The following TRDN variants were observed in gnomAD, a reference collection of about 807,000 sequenced individuals.
TRDN encodes triadin, also known as triadin in skeletal muscle.
A neutral mutation model predicts 149.7 loss-of-function variants in TRDN; 161 were observed. That is an observed-to-expected ratio of 1.08 (90% CI 0.95 to 1.23). TRDN has a LOEUF of 1.23. Ranked by LOEUF, TRDN falls within the 50% of genes most tolerant of loss-of-function variation. The pLI is 0.00. For missense variants in TRDN, 896 were observed against 823.5 expected (o/e 1.09, Z -1.08); for synonymous variants, 294 against 250.5 (o/e 1.17, Z -1.64).
chr6:123,529,117 G>A (rs775219019), intron 5 of TRDN: 14 of 1,491,120 alleles, frequency 9.4e-6, no homozygotes, highest in Non-Finnish European at 1.1e-5. Flanking sequence ...CATTACTACC[G>A]CCACTCCAGC....
intron 38 of TRDN, among the ~76,000 whole-genome samples, chr6:123,246,123 C>T (rs754135083): frequency 9.9e-5 from 15 of 151,980 alleles, no homozygotes; most frequent in Non-Finnish European, 1.5e-4. Context: ...TAAATGCCCA[C>T]ATGAGAAAGC....
chr6:123,568,431 A>C (rs1409785726), intron 2 of TRDN, among the ~76,000 whole-genome samples: 2 of 152,230 alleles, frequency 1.3e-5, no homozygotes, highest in Non-Finnish European at 2.9e-5. Context: ...TGGGTCCTCC[A>C]AACACACATT....
intron 9 of TRDN, among the ~76,000 whole-genome samples, chr6:123,477,651 G>A (rs1777553844): frequency 6.6e-6 from 1 of 151,930 alleles, no homozygotes; most frequent in Non-Finnish European, 1.5e-5. Flanking sequence ...CAAAGACTTG[G>A]AACCAACCCA....
chr6:123,387,060 A>G (rs1781931806), intron 14 of TRDN, among the ~76,000 whole-genome samples: 2 of 152,214 alleles, frequency 1.3e-5, no homozygotes, highest in South Asian at 4.1e-4. Context: ...TGTACTCTAC[A>G]GAGTCATTGT....
At chr6:123,502,949 G>A (rs879174898) in intron 8 of TRDN, 88 of 985,140 alleles carry the variant, frequency 8.9e-5, no homozygotes, top group Admixed American at 1.2e-4. Context: ...GATGTGGTAC[G>A]ATAAGACCCT....
chr6:123,408,390 G>T (rs773566471), intron 12 of TRDN, among the ~76,000 whole-genome samples: 1 of 151,860 alleles, frequency 6.6e-6, no homozygotes, highest in Non-Finnish European at 1.5e-5. Context: ...GACAATAATT[G>T]TTTTGGGCCA....
chr6:123,367,698 A>G (rs1317403900), intron 19 of TRDN, among the ~76,000 whole-genome samples: 3 of 152,216 alleles, frequency 2.0e-5, no homozygotes, highest in Non-Finnish European at 2.9e-5. Context: ...CTGGAGGGCT[A>G]TTGAAACAGA....
intron 24 of TRDN, among the ~76,000 whole-genome samples, chr6:123,282,544 A>C (rs1266627950): frequency 6.6e-6 from 1 of 151,910 alleles, no homozygotes; most frequent in Non-Finnish European, 1.5e-5. Context: ...CTACATCTAC[A>C]ATGTGAGATA....
intron 1 of TRDN, among the ~76,000 whole-genome samples, chr6:123,635,961 A>C (rs562585072): frequency 1.4e-4 from 21 of 152,088 alleles, no homozygotes; most frequent in African/African-American, 5.1e-4. Context: ...CAAATAGAAG[A>C]TATGTATTAT....
At chr6:123,375,023 A>G (rs1781457211) in intron 19 of TRDN, among the ~76,000 whole-genome samples, 1 of 152,190 alleles carries the variant, frequency 6.6e-6, no homozygotes, top group Non-Finnish European at 1.5e-5. Flanking sequence ...AATAACAGTC[A>G]GTTACTTCAT....
At position 123,218,419 on chromosome 6, in the gene TRDN, C is replaced by A. The variant is rs1775021170; in HGVS notation, c.*182G>T. The A allele has an allele frequency of 3.2e-6, 2 of 624,696 alleles. No individual in the cohort carries two copies. Among genetic ancestry groups the A allele is most frequent in the Non-Finnish European group, 5.4e-6 (2 of 371,762 alleles). The allele number at this position is 624,696 out of a possible 1,614,324, so 38.7% of individuals were successfully genotyped here. A position where few individuals can be genotyped will look rare whatever the true frequency, so the allele number is the denominator to read the frequency against. On this transcript the variant is annotated 3_prime_UTR_variant, in exon 41 of 41. Transcript: ENST00000334268. Reference sequence around the variant, plus strand: ...ATAACAGATTCTTGAGACTTAGACCCTTAAACATGTCTGCTCATCACTCAA... The same window carrying A: ...ATAACAGATTCTTGAGACTTAGACCATTAAACATGTCTGCTCATCACTCAA...
intron 24 of TRDN, among the ~76,000 whole-genome samples, chr6:123,288,820 C>T (rs57264037): frequency 0.02 from 2,970 of 151,822 alleles, 85 homozygotes; most frequent in South Asian, 0.076. Context: ...AGCATGAAGG[C>T]TCCTCAAAAA....
chr6:123,266,087 T>C (rs1488336968), intron 32 of TRDN, among the ~76,000 whole-genome samples: 1 of 130,418 alleles, frequency 7.7e-6, no homozygotes, highest in Non-Finnish European at 1.6e-5. Context: ...TGTTTATATA[T>C]ATTATATATA....
chr6:123,454,088 C>G (rs1282173326), intron 10 of TRDN, among the ~76,000 whole-genome samples: 2 of 151,610 alleles, frequency 1.3e-5, no homozygotes, highest in Non-Finnish European at 2.9e-5. Flanking sequence ...TATAAGGACA[C>G]AAAGACATAA....
chr6:123,454,857 C>T (rs528237670), intron 10 of TRDN, among the ~76,000 whole-genome samples: 14 of 152,310 alleles, frequency 9.2e-5, no homozygotes, highest in African/African-American at 3.4e-4. Flanking sequence ...TCCTCTCACC[C>T]CTGTCCCCGG....
At chr6:123,307,570 TCCACCA>T (rs1778659998) in intron 24 of TRDN, among the ~76,000 whole-genome samples, 1 of 151,994 alleles carries the variant, frequency 6.6e-6, no homozygotes, top group African/African-American at 2.4e-5. Flanking sequence ...AATTTCTGTT[TCCACCA>T]CTCTACTGAA....
chr6:123,291,154 C>CA lies in TRDN; in HGVS notation c.1511-12073dup, dbSNP rs1042629365. Among the ~76,000 whole-genome samples, 6 of 150,580 alleles carry CA rather than the reference C, an allele frequency of 4.0e-5. No individual in the cohort carries two copies. The East Asian group carries it at 5.8e-4, about 15-fold the overall frequency. On this transcript the variant is annotated intron_variant, in intron 24 of 40. Transcript: ENST00000334268. Reference sequence around the variant, plus strand: ...TCTGGGTGGTGGAGTGAGACTCTGTCAAAAAAAATGTATTTTCTTTTCCAA... The same window carrying CA: ...TCTGGGTGGTGGAGTGAGACTCTGTCAAAAAAAAATGTATTTTCTTTTCCAA...
chr6:123,286,485 A>G (rs1772330516), intron 24 of TRDN, among the ~76,000 whole-genome samples: 1 of 152,036 alleles, frequency 6.6e-6, no homozygotes, highest in African/African-American at 2.4e-5. Flanking sequence ...ATGAGGATGC[A>G]ATGGCATAAG....
chr6:123,620,239 T>C (rs976638018), intron 1 of TRDN, among the ~76,000 whole-genome samples: 6 of 152,166 alleles, frequency 3.9e-5, no homozygotes, highest in African/African-American at 1.4e-4. Context: ...GTCAGAATGA[T>C]CTAAAAGGTT....
Sources: gnomAD v4.1 joint callset for allele counts (sites outside exome capture counted in the v4.1 genomes callset) on GRCh38, gnomAD v4.1.1 for gene constraint, MANE v1.5 for transcripts, NCBI Gene and HGNC (gene_info 2026-07-23, HGNC 2026-07-21) for gene names.